ZNF423: variants seen among roughly 807,000 people sequenced by gnomAD.
The protein encoded by ZNF423 is Ebf-associated zinc finger protein.
In ZNF423, 12 loss-of-function variants were observed where a neutral mutation model predicts 95.8. That is an observed-to-expected ratio of 0.13 (90% CI 0.08 to 0.20). The LOEUF (loss-of-function observed/expected upper bound fraction) is 0.20. ZNF423 is among the 10% of genes least tolerant of loss of function. The probability of loss-of-function intolerance (pLI) is 1.00; values close to 1 mark genes in which losing one functional copy is unlikely to be tolerated. For missense variants in ZNF423, 1,316 were observed against 1,737.1 expected (o/e 0.76, Z 4.31); for synonymous variants, 749 against 711.9 (o/e 1.05, Z -0.83).
At chr16:49,792,017 A>AG (rs1350964832) in intron 1 of ZNF423, among the ~76,000 whole-genome samples, 28 of 150,208 alleles carry the variant, frequency 1.9e-4, no homozygotes, top group African/African-American at 5.9e-4. Flanking sequence ...AAAAAAAAAA[A>AG]AAAAGAAAGA....
intron 3 of ZNF423, chr16:49,640,776 C>G (rs754255832): frequency 3.3e-5 from 5 of 152,400 alleles, no homozygotes; most frequent in Non-Finnish European, 5.9e-5. Context: ...CAAGGGGCCT[C>G]CTGGAACACC....
At chr16:49,737,175 G>GA (rs111953932) in intron 2 of ZNF423, among the ~76,000 whole-genome samples, 123 of 141,438 alleles carry the variant, frequency 8.7e-4, no homozygotes, top group Admixed American at 9.1e-4. Context: ...TGTCAATGAG[G>GA]AAAAAAAAAA....
intron 1 of ZNF423, among the ~76,000 whole-genome samples, chr16:49,845,148 TTTTTG>T (rs2035231965): frequency 6.6e-6 from 1 of 151,976 alleles, no homozygotes; most frequent in Admixed American, 6.6e-5. Flanking sequence ...TGTTTGTTTG[TTTTTG>T]TTTTAAGATG....
At chr16:49,834,286 G>A (rs2035093113) in intron 1 of ZNF423, among the ~76,000 whole-genome samples, 1 of 151,934 alleles carries the variant, frequency 6.6e-6, no homozygotes, top group Non-Finnish European at 1.5e-5. Flanking sequence ...GAGACAGCAT[G>A]AACACAGTGC....
intron 3 of ZNF423, among the ~76,000 whole-genome samples, chr16:49,688,476 C>T (rs914221962): frequency 5.3e-5 from 8 of 152,158 alleles, no homozygotes; most frequent in Non-Finnish European, 8.8e-5. Flanking sequence ...CCCCGAGTGA[C>T]GGGAACCTTC....
At chr16:49,667,954 G>A (rs1367861796) in intron 3 of ZNF423, among the ~76,000 whole-genome samples, 1 of 152,158 alleles carries the variant, frequency 6.6e-6, no homozygotes, top group African/African-American at 2.4e-5. Flanking sequence ...GGCTGGCAGA[G>A]GCAGTGTGCA....
intron 2 of ZNF423, among the ~76,000 whole-genome samples, chr16:49,742,482 G>A (rs927292531): frequency 2.0e-5 from 3 of 152,116 alleles, no homozygotes; most frequent in South Asian, 2.1e-4. Flanking sequence ...ATCTCGCCGC[G>A]TGCAGTAATG....
intron 5 of ZNF423, among the ~76,000 whole-genome samples, chr16:49,550,118 G>T (rs768473728): frequency 4.6e-5 from 7 of 152,100 alleles, no homozygotes; most frequent in Non-Finnish European, 8.8e-5. Flanking sequence ...TCCTCCTACC[G>T]TGGCCTTCCA....
intron 3 of ZNF423, among the ~76,000 whole-genome samples, chr16:49,653,311 C>CAAAAAAAAAAAAAA (rs5816652): frequency 1.0e-5 from 1 of 99,198 alleles, no homozygotes; most frequent in African/African-American, 4.0e-5. Context: ...CAAGAACCAC[C>CAAAAAAAAAAAAAA]AAAAAAAAAA....
chr16:49,800,595 C>G (rs1365032752), intron 1 of ZNF423, among the ~76,000 whole-genome samples: 1 of 152,184 alleles, frequency 6.6e-6, no homozygotes, highest in Non-Finnish European at 1.5e-5. Context: ...CACACACACA[C>G]ACACTCCTGC....
chr16:49,819,994 G>A (rs2034915360), intron 1 of ZNF423, among the ~76,000 whole-genome samples: 1 of 152,118 alleles, frequency 6.6e-6, no homozygotes, highest in South Asian at 2.1e-4. Context: ...TTGTAGGTTA[G>A]GAGTATTATT....
chr16:49,684,703 G>C (rs2031493914), intron 3 of ZNF423, among the ~76,000 whole-genome samples: 2 of 152,178 alleles, frequency 1.3e-5, no homozygotes, highest in Non-Finnish European at 1.5e-5. Flanking sequence ...GTTCATGTAG[G>C]GGGTGGAACC....
At chr16:49,498,737 T>C (rs1967263520) in intron 7 of ZNF423, among the ~76,000 whole-genome samples, 1 of 152,170 alleles carries the variant, frequency 6.6e-6, no homozygotes, top group African/African-American at 2.4e-5. Flanking sequence ...CAGGCAGCCC[T>C]GCCTCCCCTA....
At chr16:49,699,091 A>G (rs2032079081) in intron 3 of ZNF423, among the ~76,000 whole-genome samples, 1 of 152,234 alleles carries the variant, frequency 6.6e-6, no homozygotes, top group South Asian at 2.1e-4. Context: ...CCGAAAACAC[A>G]ATCACCTCCT....
chr16:49,646,071 G>A (rs2151897472), intron 3 of ZNF423, among the ~76,000 whole-genome samples: 1 of 152,316 alleles, frequency 6.6e-6, no homozygotes, highest in African/African-American at 2.4e-5. Context: ...GTCTGGAGAG[G>A]AATCTCCAGC....
At chr16:49,818,683 C>G (rs1436634939) in intron 1 of ZNF423, among the ~76,000 whole-genome samples, 1 of 151,662 alleles carries the variant, frequency 6.6e-6, no homozygotes, top group Non-Finnish European at 1.5e-5. Context: ...GCTAAGAGTT[C>G]AAGACCTACC....
chr16:49,784,139 G>T (rs9940523), intron 2 of ZNF423, among the ~76,000 whole-genome samples: 272 of 152,232 alleles, frequency 1.8e-3, no homozygotes, highest in African/African-American at 6.4e-3. Flanking sequence ...GCCTGGGAAG[G>T]TCTGGTGGCT....
At chr16:49,631,069 C>T (rs1377447914) in intron 4 of ZNF423, among the ~76,000 whole-genome samples, 1 of 152,138 alleles carries the variant, frequency 6.6e-6, no homozygotes, top group African/African-American at 2.4e-5. Context: ...GTGCAACCCC[C>T]AGAGAAGCAG....
intron 1 of ZNF423, among the ~76,000 whole-genome samples, chr16:49,835,120 C>T (rs1023657611): frequency 6.6e-6 from 1 of 152,112 alleles, no homozygotes; most frequent in African/African-American, 2.4e-5. Context: ...TTTCTCCCAC[C>T]CCCTGGCCTT....
Sources: gnomAD v4.1 joint callset for allele counts (sites outside exome capture counted in the v4.1 genomes callset) on GRCh38, gnomAD v4.1.1 for gene constraint, MANE v1.5 for transcripts, NCBI Gene and HGNC (gene_info 2026-07-23, HGNC 2026-07-21) for gene names.